BNC2: variants seen among roughly 807,000 people sequenced by gnomAD.
BNC2 encodes zinc finger protein basonuclin-2.
A neutral mutation model predicts 76.3 loss-of-function variants in BNC2; 20 were observed. The ratio of observed to expected loss-of-function variants is 0.26; its 90% CI spans 0.18 to 0.38. The LOEUF (loss-of-function observed/expected upper bound fraction) is 0.38. BNC2 is among the 10% of genes least tolerant of loss of function. The probability of loss-of-function intolerance (pLI) is 1.00; values close to 1 mark genes in which losing one functional copy is unlikely to be tolerated. For synonymous variants in BNC2, 582 were observed against 514.8 expected (o/e 1.13, Z -1.77); for missense variants, 1,382 against 1,399.8 (o/e 0.99, Z 0.20).
chr9:16,513,884 G>C (rs1015323122), intron 5 of BNC2, among the ~76,000 whole-genome samples: 1 of 152,020 alleles, frequency 6.6e-6, no homozygotes, highest in Non-Finnish European at 1.5e-5. Context: ...AAATTCATGG[G>C]GTTCAAAACA....
chr9:16,418,509 T>C lies in BNC2; in HGVS notation c.*480A>G, dbSNP rs1196609577. ...TTTAATTGAAGATTCTTTCAAAACC[T>C]TAAAGTTCACAAAAGACAACTATAA... On this transcript the variant is annotated 3_prime_UTR_variant, in exon 7 of 7. Coordinates refer to ENST00000380672, the MANE Select transcript of BNC2 (RefSeq NM_017637.6). The C allele has an allele frequency of 6.5e-6, 1 of 154,990 alleles. No individual in the cohort carries two copies. The highest frequency in any genetic ancestry group is 1.4e-5 in the Non-Finnish European group (1 of 69,622). The allele number at this position is 154,990 out of a possible 1,614,324, so 9.6% of individuals were successfully genotyped here. A position where few individuals can be genotyped will look rare whatever the true frequency, so the allele number is the denominator to read the frequency against.
At chr9:16,754,800 T>C (rs1477766228) in intron 1 of BNC2, among the ~76,000 whole-genome samples, 1 of 152,152 alleles carries the variant, frequency 6.6e-6, no homozygotes, top group Non-Finnish European at 1.5e-5. Context: ...TCAGGTGATC[T>C]GCCTGCCTCA....
chr9:16,717,260 A>C lies in BNC2; in HGVS notation c.330+10537T>G, dbSNP rs1483986242. Among the ~76,000 whole-genome samples, 7 of 152,330 alleles carry C rather than the reference A, an allele frequency of 4.6e-5. No homozygotes were observed. The East Asian group carries it at 9.6e-4, about 21-fold the overall frequency. On this transcript the variant is annotated intron_variant, in intron 3 of 6. Coordinates refer to ENST00000380672, the MANE Select transcript of BNC2 (RefSeq NM_017637.6). ...ACCTGCATATAAAGGGCACTGAACC[A>C]GTGTTCACATTACTTTCTTTAAAAT...
intron 1 of BNC2, among the ~76,000 whole-genome samples, chr9:16,841,559 T>C (rs1818826990): frequency 6.6e-6 from 1 of 152,174 alleles, no homozygotes; most frequent in Non-Finnish European, 1.5e-5. Context: ...ATAAGGTCTG[T>C]GTGGGTCATT....
At chr9:16,453,188 G>A (rs1350770647) in intron 5 of BNC2, among the ~76,000 whole-genome samples, 1 of 152,154 alleles carries the variant, frequency 6.6e-6, no homozygotes, top group Non-Finnish European at 1.5e-5. Flanking sequence ...TATGTATTCT[G>A]TTCATCTATA....
intron 5 of BNC2, 36 bp downstream of exon 5, chr9:16,552,494 C>T: frequency 1.9e-6 from 3 of 1,587,814 alleles, no homozygotes; most frequent in Middle Eastern, 1.7e-4. Context: ...CCACAGTCGG[C>T]CCCGGACACG....
At chr9:16,677,815 T>C (rs992339648) in intron 3 of BNC2, among the ~76,000 whole-genome samples, 2 of 152,340 alleles carry the variant, frequency 1.3e-5, no homozygotes, top group East Asian at 1.9e-4. Flanking sequence ...ATGAGTATTC[T>C]GCATTCCTTT....
At chr9:16,472,870 T>A (rs140126093) in intron 5 of BNC2, among the ~76,000 whole-genome samples, 1 of 152,296 alleles carries the variant, frequency 6.6e-6, no homozygotes, top group African/African-American at 2.4e-5. Context: ...CCAACAGGCA[T>A]CAGAAGTCAG....
At chr9:16,703,779 T>C (rs948307685) in intron 3 of BNC2, among the ~76,000 whole-genome samples, 2 of 152,200 alleles carry the variant, frequency 1.3e-5, no homozygotes, top group African/African-American at 4.8e-5. Context: ...TTCTGTGCTA[T>C]ATTCTTGAGT....
At chr9:16,835,530 C>G (rs547502520) in intron 1 of BNC2, among the ~76,000 whole-genome samples, 2 of 151,786 alleles carry the variant, frequency 1.3e-5, no homozygotes, top group South Asian at 4.2e-4. Flanking sequence ...GAAACCCTGT[C>G]CCTACTAAAA....
At chr9:16,588,958 C>G (rs528187613) in intron 3 of BNC2, among the ~76,000 whole-genome samples, 1 of 152,308 alleles carries the variant, frequency 6.6e-6, no homozygotes, top group East Asian at 1.9e-4. Context: ...GGACACTTAT[C>G]CCAGTTATCT....
chr9:16,572,546 T>C (rs573076033), intron 4 of BNC2, among the ~76,000 whole-genome samples: 7 of 152,288 alleles, frequency 4.6e-5, no homozygotes, highest in Admixed American at 3.3e-4. Flanking sequence ...GTGCCCTTCC[T>C]GAGCTTTTCA....
At chr9:16,755,895 T>TCTGA (rs1323519755) in intron 1 of BNC2, among the ~76,000 whole-genome samples, 2 of 152,212 alleles carry the variant, frequency 1.3e-5, no homozygotes, top group Non-Finnish European at 2.9e-5. Flanking sequence ...ACATTGTGAA[T>TCTGA]CTGAGTCCTT....
chr9:16,663,605 T>A (rs959625112), intron 3 of BNC2, among the ~76,000 whole-genome samples: 9 of 152,142 alleles, frequency 5.9e-5, no homozygotes, highest in Admixed American at 4.6e-4. Flanking sequence ...TGCTCTAAAA[T>A]TATGTATTTC....
chr9:16,664,498 A>G (rs1822207488), intron 3 of BNC2, among the ~76,000 whole-genome samples: 1 of 152,120 alleles, frequency 6.6e-6, no homozygotes, highest in Non-Finnish European at 1.5e-5. Context: ...CTTTTAGCTG[A>G]GACTGTCTGG....
At chr9:16,789,177 A>G (rs1250425185) in intron 1 of BNC2, among the ~76,000 whole-genome samples, 1 of 152,134 alleles carries the variant, frequency 6.6e-6, no homozygotes, top group Non-Finnish European at 1.5e-5. Context: ...GAGAAACACA[A>G]AACTATAGGG....
At chr9:16,744,967 A>T (rs1486210343) in intron 1 of BNC2, among the ~76,000 whole-genome samples, 1 of 152,230 alleles carries the variant, frequency 6.6e-6, no homozygotes, top group Non-Finnish European at 1.5e-5. Context: ...TATAGAAGAA[A>T]CATATCCAGG....
intron 4 of BNC2, among the ~76,000 whole-genome samples, chr9:16,582,296 C>T (rs995316385): frequency 1.3e-5 from 2 of 152,026 alleles, no homozygotes; most frequent in African/African-American, 2.4e-5. Context: ...ATATGCTGAA[C>T]GCTCGGTCAG....
intron 3 of BNC2, among the ~76,000 whole-genome samples, chr9:16,642,513 A>C (rs1821517061): frequency 6.6e-6 from 1 of 152,164 alleles, no homozygotes; most frequent in African/African-American, 2.4e-5. Context: ...AAAACCACTG[A>C]CCAAACCACC....
Sources: allele counts gnomAD v4.1 joint callset (sites outside exome capture counted in the v4.1 genomes callset), GRCh38; gene constraint gnomAD v4.1.1; transcripts MANE v1.5; gene names NCBI Gene and HGNC (gene_info 2026-07-23, HGNC 2026-07-21).